Variants in SELP observed in about 807,000 individuals in gnomAD.
The protein encoded by SELP is P-selectin.
A neutral mutation model predicts 104.1 loss-of-function variants in SELP; 92 were observed. The observed-to-expected ratio is 0.88, with a 90% CI of 0.75 to 1.05. The LOEUF (loss-of-function observed/expected upper bound fraction) is 1.05, where lower values mean the gene tolerates loss of function less well. Ranked by LOEUF, SELP falls within the 50% of genes least tolerant of loss-of-function variation. The pLI is 0.00. For missense variants in SELP, 1,022 were observed against 1,017.3 expected, an observed-to-expected ratio of 1.00 and a Z score of -0.06; for synonymous variants, 397 against 364.5, an observed-to-expected ratio of 1.09 and a Z score of -1.01.
Position 169,589,422 on chromosome 1 carries a change from G to C in SELP, c.*41C>G, listed in dbSNP as rs1263733870. 1 of 152,166 alleles carries C rather than the reference G, an allele frequency of 6.6e-6. No individual in the cohort carries two copies. Among genetic ancestry groups the C allele is most frequent in the African/African-American group, 2.4e-5 (1 of 41,406 alleles). 9.4% of individuals were successfully genotyped at this position (152,166 alleles called of 1,614,324 possible). On this transcript the variant is annotated 3_prime_UTR_variant, in exon 17 of 17. Coordinates refer to ENST00000263686, the MANE Select transcript of SELP (RefSeq NM_003005.4). ...ACAGGCTGGTCCAGAGCTAATCTAA[G>C]GTAATTCCATGTCTTTGATTCATGG...
rs1464985057 is a variant in SELP at position 169,597,174 on chromosome 1, T to C, written c.1708A>G (p.Ile570Val). The change falls in exon 11 of 17, where the codon ATC (isoleucine) becomes GTC (valine). Residue 570 changes from isoleucine to valine, a missense_variant and splice_region_variant. Transcript: ENST00000263686. ...WTDSPPMCEA[I>V]KCPELFAPEQ... ...GGGGCAAAGAGTTCTGGGCACTTGA[T>C]GGCTAGAGTATCAAATTAAGAGTGT... 12 of 1,586,356 alleles carry C rather than the reference T, an allele frequency of 7.6e-6. No individual in the cohort carries two copies. The highest frequency in any genetic ancestry group is 1.4e-5 in the African/African-American group (1 of 72,208).
intron 11 of SELP, among the ~76,000 whole-genome samples, chr1:169,596,695 G>A (rs1375022130): frequency 1.3e-5 from 2 of 152,286 alleles, no homozygotes; most frequent in South Asian, 4.1e-4. Flanking sequence ...CCCCAGTATT[G>A]TCTGTTTCTC....
rs1024223611 is a variant in SELP, at chr1:169,594,770, C to T, written c.2209G>A (p.Gly737Ser). The part of the protein sequence containing the change: ...GSICSFHCLE[G>S]QLLNGSAQTA... ...TGTGCAGAGCCATTAAGTAACTGGC[C>T]CTCTAGACAATGGAAAGAGCAGATT... Residue 737 changes from glycine (G) to serine (S), a missense_variant, in exon 13 of 17, where the codon GGC becomes AGC. Gly to Ser is a moderately conservative substitution (Grantham distance 56). Coordinates refer to ENST00000263686, the MANE Select transcript of SELP (RefSeq NM_003005.4). 1.9e-6 allele frequency: 3 copies of T among 1,613,674 alleles called. No individual in the cohort carries two copies. The African/African-American group carries it at 4.0e-5, about 22-fold the overall frequency.
chr1:169,621,149 A>T (rs1215131887), intron 1 of SELP, among the ~76,000 whole-genome samples: 4 of 117,574 alleles, frequency 3.4e-5, no homozygotes, highest in Admixed American at 1.8e-4. Context: ...TGTAGGGTGC[A>T]TGGGACTGTG....
At chr1:169,601,617 C>G (rs950083856) in intron 10 of SELP, among the ~76,000 whole-genome samples, 7 of 152,300 alleles carry the variant, frequency 4.6e-5, no homozygotes, top group Admixed American at 3.9e-4. Context: ...AGAGTAAATT[C>G]ACAAGTGACT....
rs1376873177 is a variant in SELP at position 169,604,136 on chromosome 1, C to T, written c.1520-925G>A. Among the ~76,000 whole-genome samples, 15 of 151,488 alleles carry T rather than the reference C, an allele frequency of 9.9e-5. No individual in the cohort carries two copies. The South Asian group carries it at 1.5e-3, about 15-fold the overall frequency. ...TGTTGTTTCCTGACTTTTTAATGAT[C>T]GCCATTCTAACTGGTGTGAGATGGT... On this transcript the variant is annotated intron_variant, in intron 9 of 16. Coordinates refer to ENST00000263686, the MANE Select transcript of SELP (RefSeq NM_003005.4).
At chr1:169,601,824 G>A (rs3917776) in intron 10 of SELP, among the ~76,000 whole-genome samples, 4 of 152,080 alleles carry the variant, frequency 2.6e-5, no homozygotes, top group African/African-American at 9.7e-5. Flanking sequence ...CAACTTAAGG[G>A]TCATTTGTGT....
At chr1:169,596,921 T>C in intron 11 of SELP, 70 bp downstream of exon 11, 1 of 1,398,048 alleles carries the variant, frequency 7.2e-7, no homozygotes, top group Non-Finnish European at 9.7e-7. Flanking sequence ...ATATAAGAAC[T>C]AGATAATTGT....
chr1:169,617,282 A>G lies in SELP; in HGVS notation c.227T>C (p.Ile76Thr). ...GGGTAGGACCTTATTGAGGTAATCA[A>G]TTTCATTTTTATTCTGGATGGCCAC... ...DLVAIQNKNE[I>T]DYLNKVLPYY... The change falls in exon 3 of 17, where the codon ATT (isoleucine) becomes ACT (threonine). Residue 76 changes from isoleucine (I) to threonine (T), a missense_variant. Transcript: ENST00000263686. 6.2e-7 allele frequency: 1 copy of G among 1,613,976 alleles called. No homozygotes were observed. Among genetic ancestry groups the G allele is most frequent in the Non-Finnish European group, 8.5e-7 (1 of 1,179,976 alleles).
At chr1:169,613,774 C>T (rs909590359) in intron 3 of SELP, 81 bp from the exon 4 acceptor site, 3 of 1,134,898 alleles carry the variant, frequency 2.6e-6, no homozygotes, top group Admixed American at 1.8e-5. Context: ...ACCACAGACT[C>T]ATCCCCTCTC....
At chr1:169,613,726 C>T in intron 3 of SELP, 33 bp from the exon 4 acceptor site, 1 of 1,568,884 alleles carries the variant, frequency 6.4e-7, no homozygotes, top group Non-Finnish European at 8.8e-7. Context: ...GAGTCATGGA[C>T]ATTCACAGAT....
intron 14 of SELP, 177 bp from the exon 15 acceptor site, chr1:169,591,633 A>G: frequency 2.2e-6 from 1 of 454,206 alleles, no homozygotes. Flanking sequence ...GTTTTAGGCT[A>G]AATTAAACAT....
intron 12 of SELP, 50 bp from the exon 13 acceptor site, chr1:169,594,927 A>C (rs1661529494): frequency 1.6e-5 from 24 of 1,537,352 alleles, no homozygotes; most frequent in Non-Finnish European, 2.0e-5. Context: ...TTGGAGGTGA[A>C]AGAGATTATA....
At chr1:169,591,646 G>T in intron 14 of SELP, 190 bp from the exon 15 acceptor site, 1 of 429,490 alleles carries the variant, frequency 2.3e-6, no homozygotes. Flanking sequence ...TTAAACATTC[G>T]ACAATATTTA....
At chr1:169,603,662 T>C (rs1037514663) in intron 9 of SELP, among the ~76,000 whole-genome samples, 1 of 152,110 alleles carries the variant, frequency 6.6e-6, no homozygotes, top group African/African-American at 2.4e-5. Context: ...AACACAGAAA[T>C]GGAGGAAAAT....
In SELP at chr1:169,590,170, G is replaced by A; in HGVS notation, c.2471C>T (p.Ala824Val). The A allele has an allele frequency of 6.2e-7, 1 of 1,613,270 alleles. No individual in the cohort carries two copies. Among genetic ancestry groups the A allele is most frequent in the Non-Finnish European group, 8.5e-7 (1 of 1,179,254 alleles). Residue 824 changes from alanine to valine, a missense_variant, in exon 16 of 17, where the codon GCT becomes GTT. By Grantham distance (64) the Ala-to-Val change is moderately conservative. Transcript: ENST00000263686. ...HLGTYGVFTN[A>V]AFDPSP The stretch of plus-strand genomic sequence containing the variant: ...ACCTTAAGGACTCGGGTCAAATGCA[G>A]CGTTTGTAAAAACTCCATATGTTCC...
chr1:169,619,297 A>T (rs1007936936), intron 1 of SELP, 78 bp from the exon 2 acceptor site: 2 of 1,062,612 alleles, frequency 1.9e-6, no homozygotes, highest in East Asian at 4.8e-5. Flanking sequence ...GTTAACAATC[A>T]TTATGTTGAA....
At chr1:169,625,462 T>C (rs1333444567) in intron 1 of SELP, among the ~76,000 whole-genome samples, 1 of 152,186 alleles carries the variant, frequency 6.6e-6, no homozygotes, top group Non-Finnish European at 1.5e-5. Flanking sequence ...CAATGTCCTC[T>C]AATCAGCATC....
chr1:169,630,075 CT>C lies in SELP; in HGVS notation c.-2del. ...ATGCAGAAAAAAATAAACTCACCAT[CT>C]CCTCTGTGACTCTGCTGGTTTTCTG... On this transcript the variant is annotated 5_prime_UTR_variant, in exon 1 of 17. Coordinates refer to ENST00000263686, the MANE Select transcript of SELP (RefSeq NM_003005.4). The C allele has an allele frequency of 6.2e-7, 1 of 1,614,194 alleles. No homozygotes were observed. The highest frequency in any genetic ancestry group is 8.5e-7 in the Non-Finnish European group (1 of 1,180,020).
Sources: allele counts gnomAD v4.1 joint callset (sites outside exome capture counted in the v4.1 genomes callset), GRCh38; gene constraint gnomAD v4.1.1; transcripts MANE v1.5; gene names NCBI Gene and HGNC (gene_info 2026-07-23, HGNC 2026-07-21).